Variants in SCAPER observed in about 807,000 individuals in gnomAD.
SCAPER encodes the protein S-phase cyclin A associated protein in the ER.
In SCAPER, 98 loss-of-function variants were observed where a neutral mutation model predicts 182.2. The observed-to-expected ratio is 0.54, with a 90% CI of 0.46 to 0.64. SCAPER has a LOEUF of 0.64. Among genes scored for constraint, SCAPER ranks in the 30% least tolerant of loss-of-function variants. SCAPER has a pLI of 0.00. For synonymous variants in SCAPER, 605 were observed against 564.6 expected (o/e 1.07, Z -1.01); for missense variants, 1,432 against 1,690.0 (o/e 0.85, Z 2.68).
At chr15:76,451,290 G>T (rs2048352064) in intron 25 of SCAPER, among the ~76,000 whole-genome samples, 1 of 152,112 alleles carries the variant, frequency 6.6e-6, no homozygotes, top group Non-Finnish European at 1.5e-5. Context: ...GTTATTTAGG[G>T]ATTTTACTTA....
At chr15:76,374,729 C>T (rs1484441257) in intron 29 of SCAPER, among the ~76,000 whole-genome samples, 1 of 151,688 alleles carries the variant, frequency 6.6e-6, no homozygotes. Flanking sequence ...TCAGGTGATC[C>T]ACCTGCCTCG....
intron 22 of SCAPER, among the ~76,000 whole-genome samples, chr15:76,576,698 T>C (rs2047846996): frequency 6.6e-6 from 1 of 151,864 alleles, no homozygotes; most frequent in Non-Finnish European, 1.5e-5. Flanking sequence ...CCTCCTACCC[T>C]GGCAGCCACC....
At chr15:76,649,217 G>T (rs142177036) in intron 21 of SCAPER, among the ~76,000 whole-genome samples, 1 of 152,086 alleles carries the variant, frequency 6.6e-6, no homozygotes, top group Non-Finnish European at 1.5e-5. Flanking sequence ...AACAAGCCTC[G>T]AGTATTTACC....
chr15:76,397,747 G>A lies in SCAPER; in HGVS notation c.3467+6777C>T, dbSNP rs1471561193. On this transcript the variant is annotated intron_variant, in intron 27 of 31. Coordinates refer to ENST00000563290, the MANE Select transcript of SCAPER (RefSeq NM_020843.4). The stretch of plus-strand genomic sequence containing the variant: ...CCGCCTTGGCCTCCCAAAGTGCTGG[G>A]ATTACAGGTGTGAGCCACCGCGCCC... Among the ~76,000 whole-genome samples the A allele has an allele frequency of 4.6e-5, 7 of 152,200 alleles. No individual in the cohort carries two copies. The East Asian group carries it at 1.4e-3, about 29-fold the overall frequency.
chr15:76,734,260 G>C lies in SCAPER; in HGVS notation c.1867-876C>G, dbSNP rs78622576. 4.2e-3 allele frequency among the ~76,000 whole-genome samples: 643 copies of C among 152,230 alleles called. 7 individuals carry two copies. Among genetic ancestry groups the C allele is most frequent in the African/African-American group, 0.015 (619 of 41,534 alleles). On this transcript the variant is annotated intron_variant, in intron 15 of 31. Transcript: ENST00000563290. Reference sequence around the variant, plus strand: ...GAAAGTACAGATATTATGAGTAAAGGATAGCTAATGATAAAGCTCAAAAAT... The same window carrying C: ...GAAAGTACAGATATTATGAGTAAAGCATAGCTAATGATAAAGCTCAAAAAT...
intron 21 of SCAPER, among the ~76,000 whole-genome samples, chr15:76,648,013 T>G (rs62026897): frequency 6.6e-6 from 1 of 151,852 alleles, no homozygotes; most frequent in Non-Finnish European, 1.5e-5. Context: ...AACCCAGACA[T>G]AGAGCAATGT....
At chr15:76,571,497 C>T (rs2459359) in intron 23 of SCAPER, among the ~76,000 whole-genome samples, 2 of 152,048 alleles carry the variant, frequency 1.3e-5, no homozygotes, top group Non-Finnish European at 2.9e-5. Context: ...GTTTCCTGAC[C>T]CCTTCCATGA....
intron 26 of SCAPER, among the ~76,000 whole-genome samples, chr15:76,433,687 T>C (rs2047010191): frequency 1.3e-5 from 2 of 152,248 alleles, no homozygotes; most frequent in Non-Finnish European, 2.9e-5. Context: ...TGAAATTTCC[T>C]GTCAAGAGAG....
chr15:76,590,739 T>C (rs1415540159), intron 22 of SCAPER, among the ~76,000 whole-genome samples: 1 of 152,230 alleles, frequency 6.6e-6, no homozygotes, highest in African/African-American at 2.4e-5. Flanking sequence ...CCTGCACTTG[T>C]ATGTTTATCA....
chr15:76,889,943 TAAAAG>T (rs1224947284), intron 1 of SCAPER, among the ~76,000 whole-genome samples: 1 of 152,054 alleles, frequency 6.6e-6, no homozygotes, highest in Non-Finnish European at 1.5e-5. Context: ...TCAGCAAATG[TAAAAG>T]AAAAGAAATC....
In SCAPER at chr15:76,404,493, A is replaced by G. The variant is rs375681667; in HGVS notation, c.3467+31T>C. On this transcript the variant is annotated intron_variant, in intron 27 of 31. Transcript: ENST00000563290. ...AATTCAAGAGATGTTCCAAAAGTTGAGTCTAGATTGAGATCAAGTAGATGC... is the reference window on the plus strand; with the variant it reads ...AATTCAAGAGATGTTCCAAAAGTTGGGTCTAGATTGAGATCAAGTAGATGC... The G allele has an allele frequency of 1.2e-5, 19 of 1,565,842 alleles. No individual in the cohort carries two copies. In the African/African-American group the frequency reaches 2.6e-4, roughly 21 times the overall value.
chr15:76,559,079 G>A (rs531286455), intron 23 of SCAPER, among the ~76,000 whole-genome samples: 4 of 152,020 alleles, frequency 2.6e-5, no homozygotes, highest in African/African-American at 9.6e-5. Flanking sequence ...CTGTTGCCCA[G>A]GCTGGCATGC....
chr15:76,359,475 T>C (rs777760307), intron 29 of SCAPER, among the ~76,000 whole-genome samples: 2 of 152,208 alleles, frequency 1.3e-5, no homozygotes, highest in Non-Finnish European at 2.9e-5. Flanking sequence ...ATCCAAGAAA[T>C]ACAGGTAAGT....
intron 21 of SCAPER, among the ~76,000 whole-genome samples, chr15:76,648,108 A>T (rs1289344063): frequency 6.6e-6 from 1 of 152,134 alleles, no homozygotes; most frequent in Non-Finnish European, 1.5e-5. Context: ...TATAAGCCAT[A>T]CTCGGAGAAA....
intron 1 of SCAPER, among the ~76,000 whole-genome samples, chr15:76,884,236 T>C (rs1299882592): frequency 1.3e-5 from 2 of 152,248 alleles, no homozygotes; most frequent in African/African-American, 4.8e-5. Context: ...GTAACAGATG[T>C]ACTCTAATAT....
chr15:76,672,349 G>A (rs532942900), intron 20 of SCAPER, among the ~76,000 whole-genome samples: 1 of 152,230 alleles, frequency 6.6e-6, no homozygotes, highest in South Asian at 2.1e-4. Flanking sequence ...AAAGTTATCA[G>A]AAGAAAACAA....
At chr15:76,653,198 C>T (rs915288483) in intron 21 of SCAPER, among the ~76,000 whole-genome samples, 1 of 151,770 alleles carries the variant, frequency 6.6e-6, no homozygotes, top group Non-Finnish European at 1.5e-5. Context: ...TACAAAACTG[C>T]CGAAAAAAAA....
At chr15:76,878,123 G>A (rs975720267) in intron 2 of SCAPER, among the ~76,000 whole-genome samples, 1 of 152,092 alleles carries the variant, frequency 6.6e-6, no homozygotes, top group Non-Finnish European at 1.5e-5. Flanking sequence ...CACACAAAGA[G>A]AGAAAGGAAA....
chr15:76,612,307 G>A (rs922966002), intron 22 of SCAPER, among the ~76,000 whole-genome samples: 1 of 151,980 alleles, frequency 6.6e-6, no homozygotes, highest in Non-Finnish European at 1.5e-5. Context: ...GTGCAATTTC[G>A]GCTCACTGCA....
Sources: gnomAD v4.1 joint callset for allele counts (sites outside exome capture counted in the v4.1 genomes callset) on GRCh38, gnomAD v4.1.1 for gene constraint, MANE v1.5 for transcripts, NCBI Gene and HGNC (gene_info 2026-07-23, HGNC 2026-07-21) for gene names.